LRP1B: variants seen among roughly 807,000 people sequenced by gnomAD.
The protein encoded by LRP1B is LDL receptor related protein 1B, also known as low-density lipoprotein receptor-related protein 1B.
Under a neutral mutation model 556.6 loss-of-function variants are expected in LRP1B, and 217 were observed. The ratio of observed to expected loss-of-function variants is 0.39; its 90% confidence interval spans 0.35 to 0.44. LRP1B has a LOEUF of 0.44. Among genes scored for constraint, LRP1B ranks in the 20% least tolerant of loss-of-function variants. LRP1B has a pLI of 1.00. For missense variants in LRP1B, 5,053 were observed against 5,620.8 expected, an observed-to-expected ratio of 0.90 and a Z score of 3.23; for synonymous variants, 2,047 against 1,865.8, an observed-to-expected ratio of 1.10 and a Z score of -2.50.
At chr2:141,374,606 T>C (rs1214696573) in intron 3 of LRP1B, among the ~76,000 whole-genome samples, 2 of 152,172 alleles carry the variant, frequency 1.3e-5, no homozygotes, top group African/African-American at 2.4e-5. Flanking sequence ...TGACGGATTA[T>C]TTAAAAGGAC....
intron 15 of LRP1B, among the ~76,000 whole-genome samples, chr2:140,994,608 T>C (rs566726055): frequency 4.5e-4 from 68 of 152,104 alleles, no homozygotes; most frequent in African/African-American, 1.5e-3. Flanking sequence ...TGAGAGTAGA[T>C]TGCAGGTGTT....
intron 2 of LRP1B, among the ~76,000 whole-genome samples, chr2:141,721,662 G>A (rs1431464538): frequency 1.3e-5 from 2 of 152,052 alleles, no homozygotes; most frequent in South Asian, 2.1e-4. Context: ...AGAGAACTTT[G>A]TTCTTCAGGA....
chr2:141,997,994 T>C (rs982536685), intron 1 of LRP1B, among the ~76,000 whole-genome samples: 27 of 152,262 alleles, frequency 1.8e-4, no homozygotes, highest in African/African-American at 6.3e-4. Context: ...AAAATAGTTA[T>C]TACTACAGGG....
chr2:140,956,907 C>T (rs1022786530), intron 18 of LRP1B, among the ~76,000 whole-genome samples: 2 of 151,458 alleles, frequency 1.3e-5, no homozygotes, highest in South Asian at 2.1e-4. Flanking sequence ...TTTATTGGTT[C>T]AAGATATTTA....
chr2:142,079,493 CTT>C (rs1354581590), intron 1 of LRP1B, among the ~76,000 whole-genome samples: 200 of 90,348 alleles, frequency 2.2e-3, no homozygotes, highest in African/African-American at 6.2e-3. Flanking sequence ...TTCTTTCTTT[CTT>C]TCTCTTTTTT....
At chr2:140,290,964 T>C (rs1683345260) in intron 84 of LRP1B, among the ~76,000 whole-genome samples, 1 of 152,042 alleles carries the variant, frequency 6.6e-6, no homozygotes, top group African/African-American at 2.4e-5. Flanking sequence ...CTTAATCTCA[T>C]GTTGTTGGCA....
intron 1 of LRP1B, among the ~76,000 whole-genome samples, chr2:142,041,692 A>AC (rs1411389268): frequency 6.6e-6 from 1 of 151,512 alleles, no homozygotes; most frequent in African/African-American, 2.4e-5. Context: ...CTTTTGTTGT[A>AC]CTGGCTTGTA....
chr2:141,415,171 C>T (rs796501239), intron 3 of LRP1B, among the ~76,000 whole-genome samples: 10 of 152,274 alleles, frequency 6.6e-5, no homozygotes, highest in Middle Eastern at 3.4e-3. Context: ...CCCGCCACCA[C>T]GCCCAGCTAA....
intron 3 of LRP1B, among the ~76,000 whole-genome samples, chr2:141,297,489 G>T (rs1686226227): frequency 6.6e-6 from 1 of 152,010 alleles, no homozygotes; most frequent in African/African-American, 2.4e-5. Context: ...AAATCTTAAA[G>T]GTTAACTATT....
At chr2:140,643,739 T>C (rs746462493) in intron 41 of LRP1B, among the ~76,000 whole-genome samples, 15 of 152,196 alleles carry the variant, frequency 9.9e-5, no homozygotes, top group Non-Finnish European at 2.2e-4. Flanking sequence ...TGTTACCTAC[T>C]TATTAAACTT....
intron 7 of LRP1B, among the ~76,000 whole-genome samples, chr2:141,164,425 C>G (rs978790737): frequency 2.6e-5 from 4 of 152,014 alleles, no homozygotes; most frequent in African/African-American, 9.7e-5. Flanking sequence ...GCATAACATT[C>G]CTTAAATAAC....
intron 18 of LRP1B, among the ~76,000 whole-genome samples, chr2:140,964,771 A>T (rs989688155): frequency 1.3e-5 from 2 of 152,174 alleles, no homozygotes; most frequent in Non-Finnish European, 1.5e-5. Flanking sequence ...TTCTTGTTTT[A>T]TATTTTATTA....
chr2:140,321,922 A>C, intron 82 of LRP1B, 41 bp downstream of exon 82: 1 of 1,563,358 alleles, frequency 6.4e-7, no homozygotes. Flanking sequence ...TTTTATGATA[A>C]GGATTAATTC....
chr2:141,196,913 C>T (rs72981931), intron 6 of LRP1B, among the ~76,000 whole-genome samples: 13,343 of 152,090 alleles, frequency 0.088, 840 homozygotes, highest in African/African-American at 0.18. Context: ...CCCCACCCCA[C>T]CTTACAATGC....
intron 1 of LRP1B, among the ~76,000 whole-genome samples, chr2:141,914,714 CA>C: frequency 6.6e-6 from 1 of 152,108 alleles, no homozygotes; most frequent in South Asian, 2.1e-4. Context: ...CAGTAACATT[CA>C]AACCGAGAGC....
chr2:140,343,544 G>A (rs749291240), intron 77 of LRP1B, among the ~76,000 whole-genome samples: 2 of 151,602 alleles, frequency 1.3e-5, no homozygotes, highest in Admixed American at 1.3e-4. Flanking sequence ...CATACTATGA[G>A]TGCAATCATT....
chr2:141,596,033 A>T (rs886972214), intron 2 of LRP1B, among the ~76,000 whole-genome samples: 6 of 152,042 alleles, frequency 3.9e-5, no homozygotes, highest in Non-Finnish European at 8.8e-5. Context: ...ATATACCATT[A>T]TAAAATTTAC....
intron 43 of LRP1B, among the ~76,000 whole-genome samples, chr2:140,556,918 G>GT (rs1680755132): frequency 6.6e-6 from 1 of 151,936 alleles, no homozygotes; most frequent in Non-Finnish European, 1.5e-5. Context: ...TGGTGGGAAA[G>GT]TAAGTTCTGT....
intron 3 of LRP1B, among the ~76,000 whole-genome samples, chr2:141,317,593 A>G (rs968775817): frequency 8.5e-5 from 13 of 152,116 alleles, no homozygotes; most frequent in African/African-American, 3.1e-4. Flanking sequence ...TTTAGTGTAT[A>G]CCTATCTCCT....
Sources: allele counts gnomAD v4.1 joint callset (sites outside exome capture counted in the v4.1 genomes callset), GRCh38; gene constraint gnomAD v4.1.1; transcripts MANE v1.5; gene names NCBI Gene and HGNC (gene_info 2026-07-23, HGNC 2026-07-21).